PDE1C: variants seen among roughly 807,000 people sequenced by gnomAD.
PDE1C encodes the protein phosphodiesterase 1C.
PDE1C carries 62 observed loss-of-function variants against 93.1 expected under a neutral mutation model. That is an observed-to-expected ratio of 0.67 (90% confidence interval 0.54 to 0.82). The LOEUF is 0.82. Among genes scored for constraint, PDE1C ranks in the 40% least tolerant of loss-of-function variants. The pLI, the probability that PDE1C is intolerant of heterozygous loss-of-function variation, is 0.00. For synonymous variants in PDE1C, 325 were observed against 310.1 expected, an observed-to-expected ratio of 1.05 and a Z score of -0.50; for missense variants, 742 against 884.6, an observed-to-expected ratio of 0.84 and a Z score of 2.04.
At chr7:31,955,713 T>C (rs377101624) in intron 2 of PDE1C, among the ~76,000 whole-genome samples, 6 of 152,264 alleles carry the variant, frequency 3.9e-5, no homozygotes, top group African/African-American at 2.4e-5. Flanking sequence ...CTATCTCATT[T>C]GAAACGTAAA....
At chr7:31,968,593 G>T (rs1185047267) in intron 2 of PDE1C, among the ~76,000 whole-genome samples, 1 of 152,064 alleles carries the variant, frequency 6.6e-6, no homozygotes, top group Admixed American at 6.6e-5. Flanking sequence ...TTTCTTCACA[G>T]AATTGGAAAA....
At chr7:32,137,993 AT>A (rs576666276) in intron 3 of PDE1C, among the ~76,000 whole-genome samples, 109 of 152,252 alleles carry the variant, frequency 7.2e-4, no homozygotes, top group African/African-American at 2.5e-3. Context: ...GAGTCCATTT[AT>A]TTTTGTATTT....
At chr7:31,859,402 A>G (rs954152633) in intron 7 of PDE1C, among the ~76,000 whole-genome samples, 4 of 148,456 alleles carry the variant, frequency 2.7e-5, no homozygotes, top group Non-Finnish European at 4.5e-5. Flanking sequence ...CAGTAATGGC[A>G]CAATATCCTA....
chr7:31,753,211 A>G lies in PDE1C; in HGVS notation c.*173T>C, dbSNP rs1440889149. ...CAGCAATTGAAAAGTCTATACAAGA[A>G]CAACAAAGAGGAAAATCACATACAA... is the stretch of plus-strand genomic sequence containing the variant. On this transcript the variant is annotated 3_prime_UTR_variant, in exon 18 of 18. Transcript: ENST00000396191. The G allele has an allele frequency of 2.5e-6, 2 of 786,296 alleles. No homozygotes were observed. The highest frequency in any genetic ancestry group is 5.5e-5 in the East Asian group (2 of 36,672). 48.7% of individuals were successfully genotyped at this position (786,296 alleles called of 1,614,324 possible).
At chr7:32,185,187 G>C (rs1803762633) in intron 2 of PDE1C, among the ~76,000 whole-genome samples, 1 of 147,064 alleles carries the variant, frequency 6.8e-6, no homozygotes, top group South Asian at 2.2e-4. Context: ...TGAGGTTGAT[G>C]TGAGCTGAGA....
the PDE1C span, chr7:31,695,462 A>G: frequency 1.3e-6 from 2 of 1,592,974 alleles, no homozygotes; most frequent in Non-Finnish European, 1.7e-6. Context: ...TATCCTGTCA[A>G]AATTAGATGA....
chr7:32,262,005 A>ATTTTTTT (rs11325736), intron 1 of PDE1C, among the ~76,000 whole-genome samples: 1 of 89,778 alleles, frequency 1.1e-5, no homozygotes, highest in African/African-American at 4.1e-5. Flanking sequence ...TTGCTTTGGG[A>ATTTTTTT]TTTTTTTTTT....
intron 2 of PDE1C, among the ~76,000 whole-genome samples, chr7:32,033,488 CA>C (rs1174632545): frequency 2.6e-5 from 4 of 151,980 alleles, no homozygotes; most frequent in East Asian, 1.9e-4. Flanking sequence ...AAACAAAAAA[CA>C]AAAAAACCTG....
At chr7:31,803,422 A>G (rs1040802149) in intron 16 of PDE1C, among the ~76,000 whole-genome samples, 6 of 141,942 alleles carry the variant, frequency 4.2e-5, no homozygotes, top group African/African-American at 1.6e-4. Context: ...TTATTATTAT[A>G]CTTTAAGTTT....
At chr7:31,643,215 G>A in the PDE1C span, 2 of 1,613,906 alleles carry the variant, frequency 1.2e-6, no homozygotes, top group East Asian at 2.2e-5. Flanking sequence ...TTGACTCTGA[G>A]GCCCCACGAG....
chr7:31,837,382 T>G, intron 10 of PDE1C, 82 bp from the exon 11 acceptor site: 2 of 1,320,474 alleles, frequency 1.5e-6, no homozygotes, highest in Non-Finnish European at 2.0e-6. Context: ...CATTAAGTTT[T>G]TAATCTCTTT....
chr7:32,310,904 G>T lies in PDE1C; in HGVS notation c.311-101365C>A, dbSNP rs575689340. On this transcript the variant is annotated intron_variant, in intron 1 of 1. Transcript: ENST00000672256. ...AGAAGGCAAGAAATAACTAAAATTA[G>T]AGCAGAACTGAAGGAAATAGAGACA... 1.1e-3 allele frequency among the ~76,000 whole-genome samples: 162 copies of T among 152,230 alleles called. 2 individuals carry two copies. The highest frequency in any genetic ancestry group is 1.8e-3 in the Non-Finnish European group (123 of 68,032).
At chr7:31,969,763 C>T (rs1476499508) in intron 2 of PDE1C, among the ~76,000 whole-genome samples, 3 of 152,134 alleles carry the variant, frequency 2.0e-5, no homozygotes, top group South Asian at 4.1e-4. Context: ...CAATGATAGA[C>T]TGGATTAAGA....
chr7:31,880,776 C>T lies in PDE1C; in HGVS notation c.213G>A (p.Val71=), dbSNP rs751035021. The T allele has an allele frequency of 1.9e-6, 3 of 1,604,786 alleles. No individual in the cohort carries two copies. In the South Asian group the frequency reaches 3.3e-5, roughly 18 times the overall value. The change falls in exon 3 of 18, where the codon GTG becomes GTA. Residue 71 remains valine (V), a synonymous_variant. Coordinates refer to ENST00000396191, the MANE Select transcript of PDE1C (RefSeq NM_001191057.4). The part of the protein sequence containing the change: ...LKKNLEYAAT[V]LESVYIDETR... Reference sequence around the variant, plus strand: ...TTTCATCAATATACACAGATTCAAGCACTGTGGCTGCATATTCCAAATTCT... The same window carrying T: ...TTTCATCAATATACACAGATTCAAGTACTGTGGCTGCATATTCCAAATTCT...
At chr7:32,042,456 T>A (rs2128664122) in intron 2 of PDE1C, among the ~76,000 whole-genome samples, 1 of 152,292 alleles carries the variant, frequency 6.6e-6, no homozygotes, top group Admixed American at 6.5e-5. Context: ...TTACCTCTTT[T>A]CCATGACTTC....
chr7:32,048,827 A>G (rs1792956912), intron 2 of PDE1C, among the ~76,000 whole-genome samples: 1 of 152,232 alleles, frequency 6.6e-6, no homozygotes, highest in Non-Finnish European at 1.5e-5. Flanking sequence ...ATCCTCTATT[A>G]ATTCACACTT....
intron 1 of PDE1C, among the ~76,000 whole-genome samples, chr7:32,318,361 A>C (rs1306495164): frequency 6.6e-6 from 1 of 152,000 alleles, no homozygotes; most frequent in African/African-American, 2.4e-5. Flanking sequence ...ACATTCCCCA[A>C]ACCGCTCAGC....
At chr7:31,801,830 T>C (rs1786084814) in intron 16 of PDE1C, among the ~76,000 whole-genome samples, 1 of 151,492 alleles carries the variant, frequency 6.6e-6, no homozygotes. Flanking sequence ...TAAGACAGTA[T>C]ACCAATTTAA....
intron 8 of PDE1C, among the ~76,000 whole-genome samples, chr7:31,849,461 A>C (rs187652229): frequency 1.3e-5 from 2 of 152,300 alleles, no homozygotes; most frequent in Admixed American, 1.3e-4. Flanking sequence ...GTGAGGAGGC[A>C]AGAAGGTGGA....
Sources: gnomAD v4.1 joint callset for allele counts (sites outside exome capture counted in the v4.1 genomes callset) on GRCh38, gnomAD v4.1.1 for gene constraint, MANE v1.5 for transcripts, NCBI Gene and HGNC (gene_info 2026-07-23, HGNC 2026-07-21) for gene names.